The following MTF1 variants were observed in gnomAD, a reference collection of about 807,000 sequenced individuals.
The protein encoded by MTF1 is metal regulatory transcription factor 1.
A neutral mutation model predicts 70.4 loss-of-function variants in MTF1; 22 were observed. The observed-to-expected ratio is 0.31, with a 90% confidence interval of 0.22 to 0.45. The LOEUF is 0.45. MTF1 is among the 20% of genes least tolerant of loss of function. The probability of loss-of-function intolerance (pLI) is 1.00; values close to 1 mark genes in which losing one functional copy is unlikely to be tolerated. For synonymous variants in MTF1, 333 were observed against 352.8 expected (o/e 0.94, Z 0.63); for missense variants, 649 against 922.0 (o/e 0.70, Z 3.83).
rs1025635314 is a variant in MTF1, at chr1:37,840,951, G to C, written c.409-793C>G. 2 of 221,700 alleles carry C rather than the reference G, an allele frequency of 9.0e-6. No homozygotes were observed. Among genetic ancestry groups the C allele is most frequent in the Non-Finnish European group, 1.8e-5 (2 of 110,884 alleles). 13.7% of individuals were successfully genotyped at this position (221,700 alleles called of 1,614,324 possible). ...GCCTGGAGCCAGGGCTGAGGCCATG[G>C]AGCTCTCAGAGGCAAGGCTGAGAAC... On this transcript the variant is annotated intron_variant, in intron 2 of 10. Transcript: ENST00000373036. The surrounding 1 kb of genome is among the most constrained non-coding windows in gnomAD (Gnocchi z 4.5).
At chr1:37,836,025 C>G (rs1394185387) in intron 4 of MTF1, among the ~76,000 whole-genome samples, 1 of 152,154 alleles carries the variant, frequency 6.6e-6, no homozygotes, top group Non-Finnish European at 1.5e-5. Context: ...TGGTCTCGAT[C>G]TCCTGACCTT....
In MTF1 at chr1:37,813,526, A is replaced by G. The variant is rs1189668924; in HGVS notation, c.*1610T>C. On this transcript the variant is annotated 3_prime_UTR_variant, in exon 11 of 11. Coordinates refer to ENST00000373036, the MANE Select transcript of MTF1 (RefSeq NM_005955.3). ...GGCTCAGAGAACAGGAGAGTGACCAATGCAGATCCCTTTACATTAGGGAAT... is the reference window on the plus strand; with the variant it reads ...GGCTCAGAGAACAGGAGAGTGACCAGTGCAGATCCCTTTACATTAGGGAAT... 2 of 152,292 alleles carry G rather than the reference A, an allele frequency of 1.3e-5. No individual in the cohort carries two copies. Among genetic ancestry groups the G allele is most frequent in the Non-Finnish European group, 2.9e-5 (2 of 68,068 alleles). The allele number at this position is 152,292 out of a possible 1,614,324, so 9.4% of individuals were successfully genotyped here. A position where few individuals can be genotyped will look rare whatever the true frequency, so the allele number is the denominator to read the frequency against.
intron 1 of MTF1, 24 bp from the exon 2 acceptor site, chr1:37,857,733 T>G: frequency 6.7e-7 from 1 of 1,483,778 alleles, no homozygotes; most frequent in Non-Finnish European, 9.2e-7. Flanking sequence ...AAGCCAGAGT[T>G]AGAGTCATAC....
chr1:37,831,323 G>A (rs921445108), intron 7 of MTF1, among the ~76,000 whole-genome samples: 1 of 152,178 alleles, frequency 6.6e-6, no homozygotes, highest in African/African-American at 2.4e-5. Context: ...AGCAGGCTTG[G>A]GGGGAGGCCC....
Position 37,815,181 on chromosome 1 carries a change from C to T in MTF1, c.2217G>A (p.Leu739=). The T allele has an allele frequency of 6.2e-7, 1 of 1,614,146 alleles. No individual in the cohort carries two copies. Among genetic ancestry groups the T allele is most frequent in the Non-Finnish European group, 8.5e-7 (1 of 1,180,030 alleles). The change falls in exon 11 of 11, where the codon CTG becomes CTA. Residue 739 remains leucine, a synonymous_variant. Transcript: ENST00000373036. This position sits in a 1 kb window ranked among gnomAD's most constrained non-coding sequence, Gnocchi z 4.5. ...TGAGGCCCATCTCCTCCTCCCCCTG[C>T]AGTAGTGCTTCAATGGGAATCAGAT... ...PSNLIPIEAL[L]QGEEEMGLTS...
chr1:37,852,890 G>A (rs868488377), intron 2 of MTF1, among the ~76,000 whole-genome samples: 1 of 152,030 alleles, frequency 6.6e-6, no homozygotes, highest in Non-Finnish European at 1.5e-5. Context: ...CTCTGCCTCC[G>A]AAAGTGCTGG....
rs779939953 is a variant in MTF1, at chr1:37,815,186, G to A, written c.2212C>T (p.Leu738=). The part of the protein sequence containing the change: ...TPSNLIPIEA[L]LQGEEEMGLT... ...CCCATCTCCTCCTCCCCCTGCAGTA[G>A]TGCTTCAATGGGAATCAGATTGGAC... The change falls in exon 11 of 11, where the codon CTA becomes TTA. Residue 738 remains leucine, a synonymous_variant. Transcript: ENST00000373036. This position sits in a 1 kb window ranked among gnomAD's most constrained non-coding sequence, Gnocchi z 4.5. 6.2e-7 allele frequency: 1 copy of A among 1,614,180 alleles called. No homozygotes were observed. Among genetic ancestry groups the A allele is most frequent in the Non-Finnish European group, 8.5e-7 (1 of 1,180,046 alleles).
chr1:37,846,322 C>T (rs1219864101), intron 2 of MTF1, among the ~76,000 whole-genome samples: 1 of 148,602 alleles, frequency 6.7e-6, no homozygotes. Context: ...AGAAAGGCTT[C>T]TTGAAGGTGG....
At chr1:37,845,448 T>C (rs995098840) in intron 2 of MTF1, among the ~76,000 whole-genome samples, 2 of 152,162 alleles carry the variant, frequency 1.3e-5, no homozygotes, top group African/African-American at 4.8e-5. Flanking sequence ...AGGGGGCGGA[T>C]AGCAAGTTAG....
intron 7 of MTF1, among the ~76,000 whole-genome samples, chr1:37,829,775 A>C (rs921774645): frequency 4.7e-5 from 7 of 149,564 alleles, no homozygotes; most frequent in African/African-American, 7.4e-5. Flanking sequence ...ACAGAGCGAG[A>C]CTCTGTCTCA....
At chr1:37,825,330 G>A (rs561587781) in intron 7 of MTF1, among the ~76,000 whole-genome samples, 66 of 152,144 alleles carry the variant, frequency 4.3e-4, no homozygotes, top group Non-Finnish European at 1.2e-4. Flanking sequence ...TTCAACTCCC[G>A]GGCTCAAGTG....
intron 2 of MTF1, among the ~76,000 whole-genome samples, chr1:37,856,170 CTTTTTTTTTTTT>C (rs869062644): frequency 1.2e-4 from 9 of 74,198 alleles, no homozygotes; most frequent in Middle Eastern, 0.013. Flanking sequence ...CCTGAATTTC[CTTTTTTTTTTTT>C]TTTTTTTTTT....
intron 2 of MTF1, among the ~76,000 whole-genome samples, chr1:37,856,237 G>C (rs996681117): frequency 3.9e-5 from 5 of 128,716 alleles, no homozygotes; most frequent in African/African-American, 1.4e-4. Flanking sequence ...GAGTGCAGTG[G>C]CACGATCTTG....
At chr1:37,847,833 A>G (rs1391948777) in intron 2 of MTF1, among the ~76,000 whole-genome samples, 2 of 151,932 alleles carry the variant, frequency 1.3e-5, no homozygotes, top group East Asian at 3.9e-4. Flanking sequence ...GCGACTCTCC[A>G]AAAAAATAAG....
chr1:37,837,736 C>A (rs1274603901), intron 4 of MTF1, among the ~76,000 whole-genome samples: 1 of 152,108 alleles, frequency 6.6e-6, no homozygotes, highest in Non-Finnish European at 1.5e-5. Flanking sequence ...AAACTCCTAA[C>A]CTCACATGAT....
At chr1:37,825,696 T>G (rs1471573730) in intron 7 of MTF1, among the ~76,000 whole-genome samples, 1 of 151,826 alleles carries the variant, frequency 6.6e-6, no homozygotes, top group African/African-American at 2.4e-5. Context: ...CCCCTCCTCT[T>G]CCTCTTCCTC....
chr1:37,839,914 A>G lies in MTF1; in HGVS notation c.647+6T>C, dbSNP rs1641231193. 2.5e-6 allele frequency: 4 copies of G among 1,610,204 alleles called. No individual in the cohort carries two copies. The highest frequency in any genetic ancestry group is 3.4e-6 in the Non-Finnish European group (4 of 1,176,636). On this transcript the variant is annotated splice_donor_region_variant and intron_variant, in intron 3 of 10. Coordinates refer to ENST00000373036, the MANE Select transcript of MTF1 (RefSeq NM_005955.3). ...AGGCTGGCAGAGCATTGGAGACGAG[A>G]CTGACCTGTACAGTGTGTTGAATGC...
Position 37,813,423 on chromosome 1 carries a change from T to C in MTF1, c.*1713A>G, listed in dbSNP as rs569190364. ...CCTCTTTGTCTGTCCCTGAACATCC[T>C]TGCTAAAGGCAGGGAGGGCCTCTGG... On this transcript the variant is annotated 3_prime_UTR_variant, in exon 11 of 11. Coordinates refer to ENST00000373036, the MANE Select transcript of MTF1 (RefSeq NM_005955.3). 7 of 152,384 alleles carry C rather than the reference T, an allele frequency of 4.6e-5. No homozygotes were observed. In the East Asian group the frequency reaches 1.2e-3, roughly 25 times the overall value. 9.4% of individuals were successfully genotyped at this position (152,384 alleles called of 1,614,324 possible).
chr1:37,840,517 C>G lies in MTF1; in HGVS notation c.409-359G>C, dbSNP rs981386977. ...TTTGTTTTAAGGCTTGACTAAACAC[C>G]CTGACCTCCAGAACTACAACTTGAT... On this transcript the variant is annotated intron_variant, in intron 2 of 10. Transcript: ENST00000373036. The surrounding 1 kb of genome is among the most constrained non-coding windows in gnomAD (Gnocchi z 4.5). 1 of 465,582 alleles carries G rather than the reference C, an allele frequency of 2.1e-6. No homozygotes were observed. Among genetic ancestry groups the G allele is most frequent in the Non-Finnish European group, 4.3e-6 (1 of 233,730 alleles). The allele number at this position is 465,582 out of a possible 1,614,324, so 28.8% of individuals were successfully genotyped here. A position where few individuals can be genotyped will look rare whatever the true frequency, so the allele number is the denominator to read the frequency against.
Sources: allele counts gnomAD v4.1 joint callset (sites outside exome capture counted in the v4.1 genomes callset), GRCh38; gene constraint gnomAD v4.1.1; non-coding constraint Gnocchi (gnomAD v3.1); transcripts MANE v1.5; gene names NCBI Gene and HGNC (gene_info 2026-07-23, HGNC 2026-07-21).